Variants in RABGAP1L observed in about 807,000 individuals in gnomAD.
RABGAP1L encodes the protein rab GTPase-activating protein 1-like.
A neutral mutation model predicts 137.7 loss-of-function variants in RABGAP1L; 63 were observed. The observed-to-expected ratio is 0.46, with a 90% CI of 0.37 to 0.56. The LOEUF (loss-of-function observed/expected upper bound fraction) is 0.56, where lower values mean the gene tolerates loss of function less well. Ranked by LOEUF, RABGAP1L falls within the 20% of genes least tolerant of loss-of-function variation. RABGAP1L has a pLI of 0.00. For missense variants in RABGAP1L, 1,095 were observed against 1,244.0 expected (o/e 0.88, Z 1.80); for synonymous variants, 431 against 433.7 (o/e 0.99, Z 0.08).
intron 19 of RABGAP1L, among the ~76,000 whole-genome samples, chr1:174,938,001 G>A (rs1020859016): frequency 7.2e-5 from 11 of 151,942 alleles, no homozygotes; most frequent in Non-Finnish European, 1.5e-4. Flanking sequence ...ATGAGCCACC[G>A]TGCCTGTCAC....
intron 3 of RABGAP1L, among the ~76,000 whole-genome samples, chr1:174,225,269 C>A (rs1333542887): frequency 6.6e-6 from 1 of 151,450 alleles, no homozygotes; most frequent in Non-Finnish European, 1.5e-5. Flanking sequence ...TTTTTTGTTT[C>A]TCTGTGGATA....
In RABGAP1L at chr1:174,990,663, G is replaced by C. The variant is rs1302922856; in HGVS notation, c.*662G>C. ...AAAAGGAACTGAAATTTTAATAAGT[G>C]TAGGTCAGGATCATTTGGGCTGTGG... is the stretch of plus-strand genomic sequence containing the variant. On this transcript the variant is annotated 3_prime_UTR_variant, in exon 26 of 26. Transcript: ENST00000681986. 2.0e-5 allele frequency: 3 copies of C among 152,252 alleles called. No individual in the cohort carries two copies. The South Asian group carries it at 6.2e-4, about 32-fold the overall frequency. 9.4% of individuals were successfully genotyped at this position (152,252 alleles called of 1,614,324 possible).
At chr1:174,962,742 T>TA (rs142646542) in intron 20 of RABGAP1L, among the ~76,000 whole-genome samples, 21,822 of 152,108 alleles carry the variant, frequency 0.14, 5,155 homozygotes, top group African/African-American at 0.49. Context: ...GTAGACTTTT[T>TA]AAAAAAACTG....
chr1:174,497,087 C>G (rs980136903), intron 13 of RABGAP1L, among the ~76,000 whole-genome samples: 3 of 152,122 alleles, frequency 2.0e-5, no homozygotes, highest in African/African-American at 7.2e-5. Flanking sequence ...GTAAGGCATA[C>G]CCAAGGGTAA....
chr1:174,908,714 T>C (rs1188408223), intron 19 of RABGAP1L, among the ~76,000 whole-genome samples: 1 of 151,220 alleles, frequency 6.6e-6, no homozygotes, highest in African/African-American at 2.4e-5. Context: ...GGCTAATTTT[T>C]GTATTTTTTG....
At chr1:174,702,391 A>G (rs1340850419) in intron 17 of RABGAP1L, 135 bp downstream of exon 17, 12 of 656,492 alleles carry the variant, frequency 1.8e-5, no homozygotes, top group Admixed American at 1.1e-4. Context: ...CTGTATTTGA[A>G]TTTTCAGTAA....
chr1:174,335,428 G>A, intron 11 of RABGAP1L, among the ~76,000 whole-genome samples: 1 of 152,174 alleles, frequency 6.6e-6, no homozygotes, highest in East Asian at 1.9e-4. Flanking sequence ...AAAGTAAAAT[G>A]AATTAAGGTA....
intron 19 of RABGAP1L, among the ~76,000 whole-genome samples, chr1:174,902,762 G>C (rs1658357661): frequency 6.6e-6 from 1 of 152,136 alleles, no homozygotes; most frequent in Non-Finnish European, 1.5e-5. Flanking sequence ...GCCACTCCTG[G>C]GTGGGCTGTC....
Position 174,544,564 on chromosome 1 carries a change from G to T in RABGAP1L, c.1711-92811G>T, listed in dbSNP as rs546552471. Among the ~76,000 whole-genome samples the T allele has an allele frequency of 1.8e-3, 274 of 152,278 alleles. 2 individuals carry two copies. The highest frequency in any genetic ancestry group is 6.3e-3 in the African/African-American group (261 of 41,560). On this transcript the variant is annotated intron_variant, in intron 13 of 25. Coordinates refer to ENST00000681986, the MANE Select transcript of RABGAP1L (RefSeq NM_001366446.1). The stretch of plus-strand genomic sequence containing the variant: ...AAACATCGTCCTTTAGCTCGGATAA[G>T]TTCGTTATTACTGATCATCTGAAGT...
chr1:174,962,307 T>C (rs956373150), intron 20 of RABGAP1L, among the ~76,000 whole-genome samples: 5 of 150,790 alleles, frequency 3.3e-5, no homozygotes, highest in African/African-American at 1.2e-4. Flanking sequence ...TCTGGAATGC[T>C]TAAACTCTCT....
intron 14 of RABGAP1L, among the ~76,000 whole-genome samples, chr1:174,673,113 C>T (rs1173379057): frequency 6.6e-6 from 1 of 152,094 alleles, no homozygotes; most frequent in African/African-American, 2.4e-5. Context: ...CATCCATGAG[C>T]TCACATACAC....
chr1:174,208,032 A>C lies in RABGAP1L; in HGVS notation c.-33-11093A>C, dbSNP rs145221792. ...AACATTGAATATCTCTACATTAATT[A>C]GATCTGATTTAATTTCCTTCCTCAG... On this transcript the variant is annotated intron_variant, in intron 1 of 25. Coordinates refer to ENST00000681986, the MANE Select transcript of RABGAP1L (RefSeq NM_001366446.1). Among the ~76,000 whole-genome samples the C allele has an allele frequency of 5.0e-3, 759 of 152,334 alleles. 6 individuals are homozygous for C. The highest frequency in any genetic ancestry group is 0.016 in the African/African-American group (656 of 41,576).
intron 13 of RABGAP1L, among the ~76,000 whole-genome samples, chr1:174,426,116 C>G (rs1651924778): frequency 6.6e-6 from 1 of 152,044 alleles, no homozygotes; most frequent in Non-Finnish European, 1.5e-5. Flanking sequence ...TTGAACACCA[C>G]CAACAATTTT....
chr1:174,569,646 T>TA lies in RABGAP1L; in HGVS notation c.1711-67728dup, dbSNP rs1667838276. On this transcript the variant is annotated intron_variant, in intron 13 of 25. Transcript: ENST00000681986. The stretch of plus-strand genomic sequence containing the variant: ...CTACTCTCAGATGCCCAACAGTTTT[T>TA]ATAAGGAATTGTAAAGATCTAACTC... Among the ~76,000 whole-genome samples the TA allele has an allele frequency of 3.3e-5, 5 of 152,204 alleles. No individual in the cohort carries two copies. The South Asian group carries it at 1.0e-3, about 31-fold the overall frequency.
intron 13 of RABGAP1L, among the ~76,000 whole-genome samples, chr1:174,490,351 G>A (rs147461820): frequency 1.4e-3 from 211 of 152,226 alleles, no homozygotes; most frequent in African/African-American, 4.7e-3. Flanking sequence ...CCGCCTTCGT[G>A]GTCTTAGATA....
chr1:174,798,945 G>A (rs753653075), intron 18 of RABGAP1L, among the ~76,000 whole-genome samples: 3 of 152,168 alleles, frequency 2.0e-5, no homozygotes, highest in Non-Finnish European at 2.9e-5. Context: ...TTCACAACAA[G>A]TAAACTAATA....
chr1:174,940,939 G>A (rs2149290842), intron 19 of RABGAP1L, among the ~76,000 whole-genome samples: 1 of 152,332 alleles, frequency 6.6e-6, no homozygotes, highest in South Asian at 2.1e-4. Context: ...GCGATTGGCA[G>A]CAACCTAGAC....
At chr1:174,541,644 C>T (rs929211084) in intron 13 of RABGAP1L, among the ~76,000 whole-genome samples, 3 of 152,080 alleles carry the variant, frequency 2.0e-5, no homozygotes, top group South Asian at 4.2e-4. Context: ...GGCAGGGTGG[C>T]GGGCACCTGT....
chr1:174,161,926 T>C (rs1664494753), intron 1 of RABGAP1L, among the ~76,000 whole-genome samples: 1 of 152,010 alleles, frequency 6.6e-6, no homozygotes, highest in Non-Finnish European at 1.5e-5. Flanking sequence ...GAGTCAAGGG[T>C]CTCACCATGT....
Sources: allele counts gnomAD v4.1 joint callset (sites outside exome capture counted in the v4.1 genomes callset), GRCh38; gene constraint gnomAD v4.1.1; transcripts MANE v1.5; gene names NCBI Gene and HGNC (gene_info 2026-07-23, HGNC 2026-07-21).